The following VPS13C variants were observed in gnomAD, a reference collection of about 807,000 sequenced individuals.
VPS13C encodes vacuolar protein sorting 13 homolog C.
Under a neutral mutation model 456.8 loss-of-function variants are expected in VPS13C, and 358 were observed. The observed-to-expected ratio is 0.78, with a 90% CI of 0.72 to 0.86. VPS13C has a LOEUF of 0.86. VPS13C is among the 40% of genes least tolerant of loss of function. The probability of loss-of-function intolerance (pLI) is 0.00; values close to 1 mark genes in which losing one functional copy is unlikely to be tolerated. For missense variants in VPS13C, 4,818 were observed against 4,385.4 expected, an observed-to-expected ratio of 1.10 and a Z score of -2.79; for synonymous variants, 1,578 against 1,486.7, an observed-to-expected ratio of 1.06 and a Z score of -1.41.
chr15:61,887,178 A>G (rs1309760823), intron 67 of VPS13C, among the ~76,000 whole-genome samples: 1 of 152,252 alleles, frequency 6.6e-6, no homozygotes, highest in Admixed American at 6.5e-5. Flanking sequence ...GTAACTAATA[A>G]GCAATTATAA....
chr15:62,020,438 T>C (rs767087791), intron 9 of VPS13C, 41 bp downstream of exon 9: 4 of 1,559,546 alleles, frequency 2.6e-6, no homozygotes, highest in Non-Finnish European at 3.5e-6. Context: ...AGAATAATAC[T>C]TTACAGGTTC....
chr15:62,057,885 C>T (rs2048851875), intron 1 of VPS13C, among the ~76,000 whole-genome samples: 1 of 152,172 alleles, frequency 6.6e-6, no homozygotes, highest in South Asian at 2.1e-4. Context: ...GCATCACCTT[C>T]GATGTTACCT....
chr15:62,030,954 C>T (rs2140634722), intron 5 of VPS13C, among the ~76,000 whole-genome samples: 1 of 152,140 alleles, frequency 6.6e-6, no homozygotes, highest in East Asian at 1.9e-4. Flanking sequence ...TTGATAAAAT[C>T]CAACATCTTA....
At chr15:61,864,811 GC>G (rs1301853242) in intron 81 of VPS13C, 2 of 984,278 alleles carry the variant, frequency 2.0e-6, no homozygotes, top group African/African-American at 1.8e-5. Flanking sequence ...TAACACTTTT[GC>G]CTTAATTTCT....
At chr15:61,904,063 A>G (rs1369525344) in intron 66 of VPS13C, among the ~76,000 whole-genome samples, 2 of 152,184 alleles carry the variant, frequency 1.3e-5, no homozygotes, top group Non-Finnish European at 2.9e-5. Flanking sequence ...GCTTTAGGAC[A>G]CTGGTCTAGG....
chr15:61,991,863 A>T, intron 16 of VPS13C, 61 bp from the exon 17 acceptor site: 6 of 1,520,352 alleles, frequency 3.9e-6, no homozygotes, highest in Non-Finnish European at 5.3e-6. Flanking sequence ...TTTCAGGTGT[A>T]GCCTGGGAAA....
At chr15:61,903,152 TC>T (rs2043052818) in intron 66 of VPS13C, among the ~76,000 whole-genome samples, 1 of 151,376 alleles carries the variant, frequency 6.6e-6, no homozygotes, top group African/African-American at 2.4e-5. Context: ...ATGGCGAAAC[TC>T]CGTCTCTACA....
chr15:61,915,713 T>C lies in VPS13C; in HGVS notation c.8365A>G (p.Ile2789Val). ...TRVLQYRSED[I>V]HVKHPADFRD... Reference sequence around the variant, plus strand: ...AAATCAGCTGGATGTTTCACATGAATATCTTCTGAACGATACTGGAGAACC... The same window carrying C: ...AAATCAGCTGGATGTTTCACATGAACATCTTCTGAACGATACTGGAGAACC... The change falls in exon 61 of 85, where the codon ATT becomes GTT. Residue 2789 changes from isoleucine (I) to valine (V), a missense_variant. Coordinates refer to ENST00000644861, the MANE Select transcript of VPS13C (RefSeq NM_020821.3). 1 of 1,613,540 alleles carries C rather than the reference T, an allele frequency of 6.2e-7. No individual in the cohort carries two copies. The highest frequency in any genetic ancestry group is 8.5e-7 in the Non-Finnish European group (1 of 1,179,884).
chr15:61,945,038 G>T (rs1291200954), intron 45 of VPS13C, among the ~76,000 whole-genome samples: 2 of 152,114 alleles, frequency 1.3e-5, no homozygotes, highest in African/African-American at 2.4e-5. Flanking sequence ...TGCTGTTCTT[G>T]TGATAGTGAG....
chr15:61,964,174 C>G lies in VPS13C; in HGVS notation c.3215-223G>C, dbSNP rs144576795. ...TATAATTTAAAAGCAAGAGAAAAAACTACAATAAATAAATAAGGACACTGA... is the reference window on the plus strand; with the variant it reads ...TATAATTTAAAAGCAAGAGAAAAAAGTACAATAAATAAATAAGGACACTGA... On this transcript the variant is annotated intron_variant, in intron 31 of 84. Coordinates refer to ENST00000644861, the MANE Select transcript of VPS13C (RefSeq NM_020821.3). 6.9e-3 allele frequency among the ~76,000 whole-genome samples: 1,049 copies of G among 152,028 alleles called. 9 individuals are homozygous for G. The highest frequency in any genetic ancestry group is 0.024 in the African/African-American group (1,000 of 41,488).
chr15:61,965,728 G>A (rs1369848376), intron 30 of VPS13C, among the ~76,000 whole-genome samples: 1 of 151,612 alleles, frequency 6.6e-6, no homozygotes, highest in Non-Finnish European at 1.5e-5. Flanking sequence ...TGCTCAACAT[G>A]TCTCCTTATA....
chr15:61,959,032 T>C (rs1484559467), intron 36 of VPS13C, among the ~76,000 whole-genome samples: 5 of 152,030 alleles, frequency 3.3e-5, no homozygotes. Context: ...AGTGACAACT[T>C]TGGAAAATGC....
chr15:62,000,720 T>C (rs974148681), intron 15 of VPS13C, 94 bp from the exon 16 acceptor site: 1 of 929,544 alleles, frequency 1.1e-6, no homozygotes, highest in African/African-American at 1.7e-5. Flanking sequence ...TAGTCCATTA[T>C]CAGTACCTGT....
At chr15:62,053,847 T>A (rs116501209) in intron 1 of VPS13C, among the ~76,000 whole-genome samples, 98 of 152,278 alleles carry the variant, frequency 6.4e-4, no homozygotes, top group African/African-American at 2.4e-3. Flanking sequence ...AGGAGTGGGA[T>A]AAACAGCACG....
Position 61,934,272 on chromosome 15 carries a change from C to A in VPS13C, c.5815G>T (p.Asp1939Tyr). 6.3e-7 allele frequency: 1 copy of A among 1,598,260 alleles called. No individual in the cohort carries two copies. The highest frequency in any genetic ancestry group is 8.5e-7 in the Non-Finnish European group (1 of 1,171,322). ...ATGGAAAGAGATTCAAAGTGAAAGT[C>A]AAATTGGAGACTGACAATCTGGTTC... ...SMNQIVSLQFDFHFESLSIIL... is the reference protein window; with the variant it reads ...SMNQIVSLQFYFHFESLSIIL... The change falls in exon 49 of 85, where the codon GAC (aspartate) becomes TAC (tyrosine). Residue 1939 changes from aspartate (D) to tyrosine (Y), a missense_variant. Physicochemically the swap from Asp to Tyr is radical, Grantham distance 160. This residue lies in a region of VPS13C where 4,552 missense variants were observed against 4,130.6 expected (regional missense o/e 1.10). Coordinates refer to ENST00000644861, the MANE Select transcript of VPS13C (RefSeq NM_020821.3).
intron 9 of VPS13C, among the ~76,000 whole-genome samples, chr15:62,014,852 T>C (rs2047171592): frequency 6.6e-6 from 1 of 152,094 alleles, no homozygotes. Context: ...AAAGAGGGAA[T>C]GGTAAATTCT....
At chr15:62,015,169 T>A (rs2047185962) in intron 9 of VPS13C, among the ~76,000 whole-genome samples, 1 of 152,152 alleles carries the variant, frequency 6.6e-6, no homozygotes, top group Non-Finnish European at 1.5e-5. Context: ...CTGGAACAAT[T>A]CTCTCTCTAT....
chr15:61,901,414 GA>G (rs752651235), intron 66 of VPS13C, among the ~76,000 whole-genome samples: 7 of 151,050 alleles, frequency 4.6e-5, no homozygotes, highest in South Asian at 4.2e-4. Context: ...AAATTTACAA[GA>G]AAAAAAACAA....
At chr15:61,896,353 C>G (rs1349780951) in intron 66 of VPS13C, among the ~76,000 whole-genome samples, 1 of 152,192 alleles carries the variant, frequency 6.6e-6, no homozygotes, top group Non-Finnish European at 1.5e-5. Flanking sequence ...GTTCATCTCA[C>G]TAGGGAGTGC....
Sources: allele counts gnomAD v4.1 joint callset (sites outside exome capture counted in the v4.1 genomes callset), GRCh38; gene constraint gnomAD v4.1.1; regional missense constraint gnomAD v4.1.1; transcripts MANE v1.5; gene names NCBI Gene and HGNC (gene_info 2026-07-23, HGNC 2026-07-21).